The following PIK3R5 variants were observed in gnomAD, a reference collection of about 807,000 sequenced individuals.
PIK3R5 encodes the protein phosphoinositide 3-kinase regulatory subunit 5.
PIK3R5 carries 32 observed loss-of-function variants against 94.9 expected under a neutral mutation model. The ratio of observed to expected loss-of-function variants is 0.34; its 90% CI spans 0.25 to 0.45. The LOEUF (loss-of-function observed/expected upper bound fraction) is 0.45, where lower values mean the gene tolerates loss of function less well. Ranked by LOEUF, PIK3R5 falls within the 20% of genes least tolerant of loss-of-function variation. The pLI is 1.00. For synonymous variants in PIK3R5, 443 were observed against 479.4 expected, an observed-to-expected ratio of 0.92 and a Z score of 0.99; for missense variants, 853 against 1,144.6, an observed-to-expected ratio of 0.75 and a Z score of 3.68.
In PIK3R5 at chr17:8,955,495, G is replaced by T. The variant is rs1400112772; in HGVS notation, c.-14+10101C>A. Among the ~76,000 whole-genome samples the T allele has an allele frequency of 6.6e-6, 1 of 152,202 alleles. No homozygotes were observed. The highest frequency in any genetic ancestry group is 1.5e-5 in the Non-Finnish European group (1 of 68,042). ...TTCGAAACCTGAACAGAAGACTAAGGACTCTGGACTCTCCCTAAGCAGTGG... is the reference window on the plus strand; with the variant it reads ...TTCGAAACCTGAACAGAAGACTAAGTACTCTGGACTCTCCCTAAGCAGTGG... On this transcript the variant is annotated intron_variant, in intron 1 of 18. Coordinates refer to ENST00000447110, the MANE Select transcript of PIK3R5 (RefSeq NM_001142633.3). This position sits in a 1 kb window ranked among gnomAD's most constrained non-coding sequence, Gnocchi z 4.4.
In PIK3R5 at chr17:8,896,619, C is replaced by G. The variant is rs1301485389; in HGVS notation, c.413-2964G>C. Among the ~76,000 whole-genome samples, 2 of 152,192 alleles carry G rather than the reference C, an allele frequency of 1.3e-5. No homozygotes were observed. The highest frequency in any genetic ancestry group is 2.9e-5 in the Non-Finnish European group (2 of 68,034). The stretch of plus-strand genomic sequence containing the variant: ...AGGCCCTTCGCCATTAAGCCTTGTT[C>G]ACCCATCAAAGCTTCCACTCTTTTT... On this transcript the variant is annotated intron_variant, in intron 5 of 18. Transcript: ENST00000447110. The surrounding 1 kb of genome is among the most constrained non-coding windows in gnomAD (Gnocchi z 4.0).
rs113971059 is a variant in PIK3R5 at position 8,905,509 on chromosome 17, C to T, written c.273+160G>A. Among the ~76,000 whole-genome samples, 44 of 152,248 alleles carry T rather than the reference C, an allele frequency of 2.9e-4. 1 individual carries two copies. The highest frequency in any genetic ancestry group is 8.7e-4 in the African/African-American group (36 of 41,562). On this transcript the variant is annotated intron_variant, in intron 4 of 18. Transcript: ENST00000447110. ...AGTCACCAGAAGCCTCTCATGGTGG[C>T]TGCTCTGAAGCCATCTAAGGGTTGA...
chr17:8,897,889 T>G (rs1184680362), intron 5 of PIK3R5, among the ~76,000 whole-genome samples: 7 of 152,196 alleles, frequency 4.6e-5, no homozygotes, highest in Non-Finnish European at 1.0e-4. Context: ...GGGGCCACCA[T>G]GCCAATGCTG....
rs61761106 is a variant in PIK3R5 at position 8,886,357 on chromosome 17, C to A, written c.2035-35G>T. On this transcript the variant is annotated intron_variant, in intron 13 of 18. Coordinates refer to ENST00000447110, the MANE Select transcript of PIK3R5 (RefSeq NM_001142633.3). ...GCAGGAGCATGTACATCAGTGTGAA[C>A]CTCCTGGAGGGGCCCATTTGGCTCC... 5.5e-3 allele frequency: 8,889 copies of A among 1,602,260 alleles called. 416 individuals are homozygous for A. In the African/African-American group the frequency reaches 0.1, roughly 18 times the overall value.
chr17:8,883,762 C>T (rs1478724329), intron 15 of PIK3R5, among the ~76,000 whole-genome samples: 4 of 152,216 alleles, frequency 2.6e-5, no homozygotes, highest in Admixed American at 6.5e-5. Flanking sequence ...TGTGCATCAT[C>T]GAACCAATGC....
Position 8,892,792 on chromosome 17 carries a change from C to CG in PIK3R5, c.482+793dup, listed in dbSNP as rs1253493500. Reference sequence around the variant, plus strand: ...CCCTGGGGCTGGGAATGAGGAGGGCCGGGGGCCTATAATTTCTGAGGTGGT... The same window carrying CG: ...CCCTGGGGCTGGGAATGAGGAGGGCCGGGGGGCCTATAATTTCTGAGGTGGT... On this transcript the variant is annotated intron_variant, in intron 6 of 18. Transcript: ENST00000447110. This position sits in a 1 kb window ranked among gnomAD's most constrained non-coding sequence, Gnocchi z 4.3. Among the ~76,000 whole-genome samples the CG allele has an allele frequency of 6.6e-6, 1 of 152,012 alleles. No individual in the cohort carries two copies. Among genetic ancestry groups the CG allele is most frequent in the Non-Finnish European group, 1.5e-5 (1 of 68,000 alleles).
rs911184901 is a variant in PIK3R5 at position 8,955,203 on chromosome 17, T to C, written c.-14+10393A>G. ...GGGAGCAGCCCAGCCTGCCCGATCA[T>C]CAGTCATCCAAGGCTGAGGCCCGGG... is the stretch of plus-strand genomic sequence containing the variant. On this transcript the variant is annotated intron_variant, in intron 1 of 18. Coordinates refer to ENST00000447110, the MANE Select transcript of PIK3R5 (RefSeq NM_001142633.3). This position sits in a 1 kb window ranked among gnomAD's most constrained non-coding sequence, Gnocchi z 4.4. Among the ~76,000 whole-genome samples the C allele has an allele frequency of 1.3e-5, 2 of 152,174 alleles. No individual in the cohort carries two copies. Among genetic ancestry groups the C allele is most frequent in the African/African-American group, 4.8e-5 (2 of 41,438 alleles).
chr17:8,895,029 T>C lies in PIK3R5; in HGVS notation c.413-1374A>G, dbSNP rs1207993736. On this transcript the variant is annotated intron_variant, in intron 5 of 18. Coordinates refer to ENST00000447110, the MANE Select transcript of PIK3R5 (RefSeq NM_001142633.3). ...GGCCTTTTGCGTGATGTTTACTTTA[T>C]GTAATCATCGCATATTTAGAAGTTA... 5.3e-5 allele frequency among the ~76,000 whole-genome samples: 8 copies of C among 152,248 alleles called. No homozygotes were observed. The East Asian group carries it at 1.5e-3, about 29-fold the overall frequency.
intron 1 of PIK3R5, among the ~76,000 whole-genome samples, chr17:8,951,420 C>T (rs1016467610): frequency 3.9e-5 from 6 of 152,224 alleles, no homozygotes; most frequent in Non-Finnish European, 5.9e-5. Context: ...CTTCTCCCCC[C>T]AGCCTCTGGT....
chr17:8,959,372 A>G (rs528720244), intron 1 of PIK3R5, among the ~76,000 whole-genome samples: 65 of 152,344 alleles, frequency 4.3e-4, no homozygotes, highest in Admixed American at 1.2e-3. Flanking sequence ...AACTGCAGAG[A>G]TCCAAGAAGA....
At chr17:8,914,292 GGA>G (rs1390746910) in intron 1 of PIK3R5, among the ~76,000 whole-genome samples, 1 of 152,182 alleles carries the variant, frequency 6.6e-6, no homozygotes, top group Non-Finnish European at 1.5e-5. Context: ...GAGGCAGCTG[GGA>G]GAGAGTTGAC....
chr17:8,901,601 TTAATGTG>T (rs2090283788), intron 5 of PIK3R5, among the ~76,000 whole-genome samples: 1 of 152,196 alleles, frequency 6.6e-6, no homozygotes, highest in African/African-American at 2.4e-5. Flanking sequence ...CTGTGTGTGT[TTAATGTG>T]TAAGGTGAGA....
chr17:8,883,700 A>G (rs898392119), intron 15 of PIK3R5, among the ~76,000 whole-genome samples: 6 of 152,188 alleles, frequency 3.9e-5, no homozygotes, highest in Non-Finnish European at 8.8e-5. Context: ...CCACTTAGGA[A>G]CATCCCGTGT....
intron 1 of PIK3R5, among the ~76,000 whole-genome samples, chr17:8,937,192 G>A (rs1251827689): frequency 2.0e-5 from 3 of 152,140 alleles, no homozygotes; most frequent in African/African-American, 7.2e-5. Flanking sequence ...AGACAATCAT[G>A]TTATTTGGTG....
At chr17:8,928,325 G>T (rs1831067504) in intron 1 of PIK3R5, among the ~76,000 whole-genome samples, 1 of 152,108 alleles carries the variant, frequency 6.6e-6, no homozygotes, top group Non-Finnish European at 1.5e-5. Flanking sequence ...AGAAGGCAGG[G>T]CTGAAAAAGT....
chr17:8,886,108 C>A (rs546768056), intron 14 of PIK3R5, 121 bp downstream of exon 14: 1 of 732,446 alleles, frequency 1.4e-6, no homozygotes. Flanking sequence ...CAGGGGCCTA[C>A]CTCCTGTGCA....
At chr17:8,887,253 C>G (rs2089886799) in intron 11 of PIK3R5, 32 bp from the exon 12 acceptor site, 1 of 1,611,806 alleles carries the variant, frequency 6.2e-7, no homozygotes, top group Non-Finnish European at 8.5e-7. Context: ...ATCATCCCAG[C>G]TCCCCAGGAG....
intron 1 of PIK3R5, among the ~76,000 whole-genome samples, chr17:8,914,673 T>C (rs1470297972): frequency 6.6e-6 from 1 of 152,176 alleles, no homozygotes; most frequent in Non-Finnish European, 1.5e-5. Flanking sequence ...CACTATCTAC[T>C]CAGCCGGCAA....
intron 1 of PIK3R5, among the ~76,000 whole-genome samples, chr17:8,963,355 G>A (rs564581132): frequency 6.6e-6 from 1 of 152,138 alleles, no homozygotes; most frequent in East Asian, 1.9e-4. Context: ...AAGGATCCTG[G>A]CTCTCCTCCT....
Sources: allele counts gnomAD v4.1 joint callset (sites outside exome capture counted in the v4.1 genomes callset), GRCh38; gene constraint gnomAD v4.1.1; non-coding constraint Gnocchi (gnomAD v3.1); transcripts MANE v1.5; gene names NCBI Gene and HGNC (gene_info 2026-07-23, HGNC 2026-07-21).